The following RBM20 variants were observed in gnomAD, a reference collection of about 807,000 sequenced individuals.
RBM20 encodes RNA binding motif protein 20, also known as RNA-binding protein 20.
In RBM20, 51 loss-of-function variants were observed where a neutral mutation model predicts 110.1. The ratio of observed to expected loss-of-function variants is 0.46; its 90% CI spans 0.37 to 0.59. The LOEUF (loss-of-function observed/expected upper bound fraction) is 0.59, where lower values mean the gene tolerates loss of function less well. Ranked by LOEUF, RBM20 falls within the 20% of genes least tolerant of loss-of-function variation. The probability of loss-of-function intolerance (pLI) is 0.00; values close to 1 mark genes in which losing one functional copy is unlikely to be tolerated. For synonymous variants in RBM20, 589 were observed against 618.2 expected, an observed-to-expected ratio of 0.95 and a Z score of 0.70; for missense variants, 1,512 against 1,574.9, an observed-to-expected ratio of 0.96 and a Z score of 0.68.
At chr10:110,760,946 A>T (rs1843990213) in intron 1 of RBM20, among the ~76,000 whole-genome samples, 1 of 150,760 alleles carries the variant, frequency 6.6e-6, no homozygotes, top group Non-Finnish European at 1.5e-5. Flanking sequence ...ACAAAAAAAA[A>T]TTAGCCAGTT....
intron 1 of RBM20, among the ~76,000 whole-genome samples, chr10:110,679,459 A>T (rs1471062591): frequency 2.0e-5 from 3 of 152,108 alleles, no homozygotes; most frequent in African/African-American, 7.2e-5. Context: ...GGCCTCAAGC[A>T]ATCCTCCTGC....
chr10:110,772,832 C>G (rs1844211231), intron 1 of RBM20, among the ~76,000 whole-genome samples: 1 of 152,196 alleles, frequency 6.6e-6, no homozygotes, highest in South Asian at 2.1e-4. Flanking sequence ...TTTTCCAGAG[C>G]ACCTGCACAT....
intron 1 of RBM20, among the ~76,000 whole-genome samples, chr10:110,700,318 A>T (rs972569152): frequency 7.2e-5 from 11 of 152,182 alleles, no homozygotes; most frequent in Non-Finnish European, 1.5e-4. Flanking sequence ...TCAGATTTAG[A>T]TAATAGGATA....
intron 1 of RBM20, among the ~76,000 whole-genome samples, chr10:110,727,724 G>A (rs971004166): frequency 6.6e-6 from 1 of 152,160 alleles, no homozygotes; most frequent in Non-Finnish European, 1.5e-5. Context: ...ATGGTGGTTT[G>A]CTGCACTCAT....
chr10:110,666,264 A>G (rs1287993067), intron 1 of RBM20, among the ~76,000 whole-genome samples: 2 of 152,198 alleles, frequency 1.3e-5, no homozygotes, highest in African/African-American at 4.8e-5. Flanking sequence ...ACAGAACAAG[A>G]CATCAGCTCA....
At chr10:110,700,309 C>T (rs1862738671) in intron 1 of RBM20, among the ~76,000 whole-genome samples, 1 of 152,164 alleles carries the variant, frequency 6.6e-6, no homozygotes, top group Non-Finnish European at 1.5e-5. Flanking sequence ...TTGGGCGCTT[C>T]AGATTTAGAT....
chr10:110,694,355 G>T (rs1367461980), intron 1 of RBM20, among the ~76,000 whole-genome samples: 1 of 152,154 alleles, frequency 6.6e-6, no homozygotes, highest in Non-Finnish European at 1.5e-5. Context: ...TCCTATTAAA[G>T]AACTGAATTC....
intron 12 of RBM20, among the ~76,000 whole-genome samples, chr10:110,826,917 G>A (rs924257448): frequency 2.0e-5 from 3 of 152,076 alleles, no homozygotes; most frequent in Non-Finnish European, 4.4e-5. Flanking sequence ...TATTGTTGAG[G>A]AGTATTGCGT....
intron 1 of RBM20, among the ~76,000 whole-genome samples, chr10:110,719,629 A>T (rs1590634913): frequency 6.6e-6 from 1 of 152,056 alleles, no homozygotes; most frequent in Non-Finnish European, 1.5e-5. Flanking sequence ...GAACCTGTTC[A>T]TCTTTTTCTT....
chr10:110,719,532 T>C (rs921772710), intron 1 of RBM20, among the ~76,000 whole-genome samples: 4 of 152,254 alleles, frequency 2.6e-5, no homozygotes, highest in African/African-American at 9.6e-5. Flanking sequence ...GTTTTTGTTT[T>C]TGTCTCGCGG....
chr10:110,763,661 C>G (rs35539378), intron 1 of RBM20, among the ~76,000 whole-genome samples: 7 of 150,646 alleles, frequency 4.6e-5, no homozygotes, highest in Non-Finnish European at 8.8e-5. Flanking sequence ...GGTGGCTCCT[C>G]GGAAGAAAAG....
rs145045147 is a variant in RBM20, at chr10:110,810,594, G to A, written c.1880+132G>A. On this transcript the variant is annotated intron_variant, in intron 8 of 13. Transcript: ENST00000369519. The stretch of plus-strand genomic sequence containing the variant: ...CCTACCCCATCCATCTGCTTTTCTG[G>A]GTCCCACTTTTCCATGTTCCCCATG... 564 of 592,226 alleles carry A rather than the reference G, an allele frequency of 9.5e-4. 1 individual carries two copies. The highest frequency in any genetic ancestry group is 1.1e-3 in the Non-Finnish European group (377 of 336,720). The allele number at this position is 592,226 out of a possible 1,614,324, so 36.7% of individuals were successfully genotyped here.
At chr10:110,681,035 A>AG (rs2134859006) in intron 1 of RBM20, among the ~76,000 whole-genome samples, 1 of 152,304 alleles carries the variant, frequency 6.6e-6, no homozygotes, top group Admixed American at 6.5e-5. Context: ...GTTTCTGTCT[A>AG]GGGGGCACTT....
Position 110,644,458 on chromosome 10 carries a change from G to C in RBM20, c.4G>C (p.Val2Leu). The C allele has an allele frequency of 2.0e-6, 3 of 1,509,550 alleles. No homozygotes were observed. The highest frequency in any genetic ancestry group is 2.6e-6 in the Non-Finnish European group (3 of 1,133,996). The allele number at this position is 1,509,550 out of a possible 1,614,324, so 93.5% of individuals were successfully genotyped here. M[V>L]LAAAMSQDAD... ...TCCCGGGCGGGTCTCGCCCCGCATG[G>C]TGCTGGCAGCAGCCATGAGCCAGGA... Residue 2 changes from valine to leucine, a missense_variant, in exon 1 of 14, where the codon GTG becomes CTG. Val to Leu is a conservative substitution (Grantham distance 32). Around this residue, in one of 3 missense-constraint regions of RBM20, gnomAD observed 1,149 missense variants for 1,169.4 expected, o/e 0.98. Transcript: ENST00000369519. This position sits in a 1 kb window ranked among gnomAD's most constrained non-coding sequence, Gnocchi z 4.3.
intron 8 of RBM20, among the ~76,000 whole-genome samples, chr10:110,811,126 G>C (rs1263666667): frequency 6.6e-6 from 1 of 152,196 alleles, no homozygotes; most frequent in Admixed American, 6.5e-5. Context: ...GCAGGCACCT[G>C]GCTGGCACGT....
intron 1 of RBM20, among the ~76,000 whole-genome samples, chr10:110,750,519 C>G (rs563106969): frequency 6.6e-6 from 1 of 152,174 alleles, no homozygotes; most frequent in Non-Finnish European, 1.5e-5. Flanking sequence ...GGAAGAGCAT[C>G]GTCACAAGCA....
intron 1 of RBM20, among the ~76,000 whole-genome samples, chr10:110,681,955 T>C (rs528361363): frequency 5.3e-5 from 8 of 152,282 alleles, no homozygotes; most frequent in Admixed American, 2.6e-4. Context: ...AATGGCATGA[T>C]CTTGGCTCAC....
intron 1 of RBM20, among the ~76,000 whole-genome samples, chr10:110,752,945 A>ATATATATTTTTTT (rs1433992064): frequency 9.2e-6 from 1 of 109,014 alleles, no homozygotes; most frequent in African/African-American, 3.8e-5. Context: ...ATATATATAT[A>ATATATATTTTTTT]TTTTTTTTTT....
At chr10:110,785,200 C>T (rs1188657184) in intron 5 of RBM20, among the ~76,000 whole-genome samples, 2 of 152,162 alleles carry the variant, frequency 1.3e-5, no homozygotes, top group African/African-American at 2.4e-5. Flanking sequence ...TCAGTATGCA[C>T]CTGACATGCC....
Sources: allele counts gnomAD v4.1 joint callset (sites outside exome capture counted in the v4.1 genomes callset), GRCh38; gene constraint gnomAD v4.1.1; regional missense constraint gnomAD v4.1.1; non-coding constraint Gnocchi (gnomAD v3.1); transcripts MANE v1.5; gene names NCBI Gene and HGNC (gene_info 2026-07-23, HGNC 2026-07-21).